Variants in ZC3H3 observed in about 807,000 individuals in gnomAD.
ZC3H3 encodes the protein zinc finger CCCH domain-containing protein 3.
Under a neutral mutation model 77.3 loss-of-function variants are expected in ZC3H3, and 36 were observed. The ratio of observed to expected loss-of-function variants is 0.47; its 90% confidence interval spans 0.36 to 0.61. ZC3H3 has a LOEUF of 0.61. Among genes scored for constraint, ZC3H3 ranks in the 20% least tolerant of loss-of-function variants. The pLI is 0.00. For missense variants in ZC3H3, 1,331 were observed against 1,312.2 expected (o/e 1.01, Z -0.22); for synonymous variants, 626 against 555.2 (o/e 1.13, Z -1.79).
intron 9 of ZC3H3, among the ~76,000 whole-genome samples, chr8:143,449,758 A>C (rs541711887): frequency 5.4e-5 from 7 of 130,650 alleles, no homozygotes; most frequent in African/African-American, 1.2e-4. Flanking sequence ...AAAACAAAAC[A>C]AAACCCAGGA....
intron 9 of ZC3H3, among the ~76,000 whole-genome samples, chr8:143,441,610 C>A (rs1420181965): frequency 1.3e-5 from 2 of 152,184 alleles, no homozygotes; most frequent in Non-Finnish European, 2.9e-5. Context: ...CACGCGATCC[C>A]TAGCACCTGT....
intron 9 of ZC3H3, among the ~76,000 whole-genome samples, chr8:143,442,507 G>A (rs1054930457): frequency 1.4e-4 from 21 of 151,610 alleles, no homozygotes; most frequent in Non-Finnish European, 2.1e-4. Flanking sequence ...CATCCCACGC[G>A]GTACTGGGAC....
At chr8:143,475,643 G>A (rs969450317) in intron 4 of ZC3H3, 58 bp from the exon 5 acceptor site, 2 of 1,497,650 alleles carry the variant, frequency 1.3e-6, no homozygotes, top group Admixed American at 2.2e-5. Flanking sequence ...CAGCTCTGAT[G>A]GTCAGTGCCA....
intron 3 of ZC3H3, among the ~76,000 whole-genome samples, chr8:143,511,640 G>C (rs1453928591): frequency 6.6e-6 from 1 of 152,132 alleles, no homozygotes; most frequent in East Asian, 1.9e-4. Flanking sequence ...ATCAGGGAGG[G>C]TCTCGCCCAT....
At chr8:143,524,197 G>C (rs556177800) in intron 3 of ZC3H3, among the ~76,000 whole-genome samples, 1 of 152,350 alleles carries the variant, frequency 6.6e-6, no homozygotes, top group African/African-American at 2.4e-5. Flanking sequence ...CCGGCACAGA[G>C]CAGATCGTGG....
At position 143,475,604 on chromosome 8, in the gene ZC3H3, C is replaced by A; in HGVS notation, c.1716-19G>T. On this transcript the variant is annotated intron_variant, in intron 4 of 11. Transcript: ENST00000262577. ...CAGGGACCTGCAGAGACAGGAAATG[C>A]CCGTCAAACCTGGCCCCAGGACAGA... The A allele has an allele frequency of 6.4e-7, 1 of 1,565,892 alleles. No individual in the cohort carries two copies. The highest frequency in any genetic ancestry group is 1.2e-5 in the South Asian group (1 of 85,098).
chr8:143,521,421 A>C (rs185056001), intron 3 of ZC3H3, among the ~76,000 whole-genome samples: 37 of 103,988 alleles, frequency 3.6e-4, no homozygotes, highest in Non-Finnish European at 7.4e-4. Context: ...TGCCCCCAGC[A>C]CTATGTCTGC....
chr8:143,461,625 GGA>G (rs1820265339), intron 9 of ZC3H3, among the ~76,000 whole-genome samples: 1 of 152,130 alleles, frequency 6.6e-6, no homozygotes, highest in South Asian at 2.1e-4. Flanking sequence ...AAGAAAGTGT[GGA>G]GAGCCTCTGC....
chr8:143,531,702 G>C (rs531236280), intron 3 of ZC3H3, among the ~76,000 whole-genome samples: 1 of 152,064 alleles, frequency 6.6e-6, no homozygotes, highest in Admixed American at 6.5e-5. Context: ...AAAAATGAAC[G>C]CACCTTGTCC....
chr8:143,539,317 A>C lies in ZC3H3; in HGVS notation c.50T>G (p.Leu17Arg). The change falls in exon 2 of 12, where the codon CTG becomes CGG. Residue 17 changes from leucine (L) to arginine (R), a missense_variant. Physicochemically the swap from Leu to Arg is moderately radical, Grantham distance 102. This residue lies in a region of ZC3H3 where 978 missense variants were observed against 915.5 expected (regional missense o/e 1.07). Transcript: ENST00000262577. Reference protein sequence around the residue: ...LRRQIRLLQGLIDDYKTLHGN... With the variant: ...LRRQIRLLQGRIDDYKTLHGN... The stretch of plus-strand genomic sequence containing the variant: ...GTGGAGGGTTTTGTAGTCATCAATC[A>C]GACCTGAGAAGACAGAACCACAGGC... 1 of 1,595,062 alleles carries C rather than the reference A, an allele frequency of 6.3e-7. No homozygotes were observed. Among genetic ancestry groups the C allele is most frequent in the Non-Finnish European group, 8.5e-7 (1 of 1,170,318 alleles).
chr8:143,464,922 T>A (rs1256502675), intron 9 of ZC3H3, among the ~76,000 whole-genome samples: 1 of 151,958 alleles, frequency 6.6e-6, no homozygotes, highest in Non-Finnish European at 1.5e-5. Context: ...CGTGAGAGGC[T>A]GGGGTAGAGG....
intron 9 of ZC3H3, among the ~76,000 whole-genome samples, chr8:143,444,932 G>A (rs1048334939): frequency 1.2e-4 from 18 of 152,168 alleles, no homozygotes; most frequent in Admixed American, 7.8e-4. Flanking sequence ...AAAAATGCAA[G>A]AGAATTTATA....
chr8:143,508,876 C>T (rs1821790881), intron 3 of ZC3H3, among the ~76,000 whole-genome samples: 1 of 152,198 alleles, frequency 6.6e-6, no homozygotes, highest in African/African-American at 2.4e-5. Flanking sequence ...AGCCAAACAG[C>T]CCTCGAGGCA....
intron 3 of ZC3H3, chr8:143,523,288 A>G: frequency 1.0e-6 from 1 of 983,982 alleles, no homozygotes; most frequent in South Asian, 4.7e-5. Context: ...GGCTATAGCA[A>G]AGACAGACGC....
chr8:143,448,312 A>T (rs1304441228), intron 9 of ZC3H3, among the ~76,000 whole-genome samples: 4 of 152,168 alleles, frequency 2.6e-5, no homozygotes, highest in Non-Finnish European at 5.9e-5. Context: ...GTCTAAAAAA[A>T]AAAAAAGAGA....
intron 4 of ZC3H3, among the ~76,000 whole-genome samples, chr8:143,500,891 G>A (rs1821505631): frequency 6.8e-6 from 1 of 148,138 alleles, no homozygotes; most frequent in Non-Finnish European, 1.5e-5. Flanking sequence ...TTCGCTCACT[G>A]CAACCTCTGC....
chr8:143,521,356 A>T (rs1822236461), intron 3 of ZC3H3, among the ~76,000 whole-genome samples: 1 of 138,828 alleles, frequency 7.2e-6, no homozygotes, highest in Non-Finnish European at 1.6e-5. Context: ...ACCCACTGGT[A>T]CCCCCTCCCA....
At chr8:143,461,523 G>GC (rs1305963008) in intron 9 of ZC3H3, among the ~76,000 whole-genome samples, 1 of 152,164 alleles carries the variant, frequency 6.6e-6, no homozygotes, top group Non-Finnish European at 1.5e-5. Context: ...CCCAAGAGAA[G>GC]CAAAAGCATC....
Position 143,495,284 on chromosome 8 carries a change from G to A in ZC3H3, c.1715+12462C>T, listed in dbSNP as rs1229217631. Among the ~76,000 whole-genome samples, 4 of 152,366 alleles carry A rather than the reference G, an allele frequency of 2.6e-5. No homozygotes were observed. In the East Asian group the frequency reaches 7.7e-4, roughly 29 times the overall value. ...CGAGCCTGAATCAGATGCCAAGTGA[G>A]TGAGCCAAGCTGGAAGCAATGCGAG... is the stretch of plus-strand genomic sequence containing the variant. On this transcript the variant is annotated intron_variant, in intron 4 of 11. Coordinates refer to ENST00000262577, the MANE Select transcript of ZC3H3 (RefSeq NM_015117.3).
Sources: allele counts gnomAD v4.1 joint callset (sites outside exome capture counted in the v4.1 genomes callset), GRCh38; gene constraint gnomAD v4.1.1; regional missense constraint gnomAD v4.1.1; transcripts MANE v1.5; gene names NCBI Gene and HGNC (gene_info 2026-07-23, HGNC 2026-07-21).